The following RPTOR variants were observed in gnomAD, a reference collection of about 807,000 sequenced individuals.
The protein encoded by RPTOR is regulatory associated protein of MTOR complex 1.
In RPTOR, 21 loss-of-function variants were observed where a neutral mutation model predicts 169.9. The ratio of observed to expected loss-of-function variants is 0.12; its 90% confidence interval spans 0.09 to 0.18. The LOEUF is 0.18. Among genes scored for constraint, RPTOR ranks in the 10% least tolerant of loss-of-function variants. The pLI, the probability that RPTOR is intolerant of heterozygous loss-of-function variation, is 1.00. For missense variants in RPTOR, 1,133 were observed against 1,855.9 expected (o/e 0.61, Z 7.16); for synonymous variants, 732 against 753.2 (o/e 0.97, Z 0.46).
intron 3 of RPTOR, among the ~76,000 whole-genome samples, chr17:80,683,652 C>A (rs1254764816): frequency 1.3e-5 from 2 of 152,100 alleles, no homozygotes; most frequent in Non-Finnish European, 2.9e-5. Context: ...TCCTTTATAT[C>A]ATTCTAAAAT....
intron 5 of RPTOR, among the ~76,000 whole-genome samples, chr17:80,742,764 A>C (rs1031246888): frequency 6.6e-6 from 1 of 152,020 alleles, no homozygotes; most frequent in Non-Finnish European, 1.5e-5. Flanking sequence ...ACATATAGAC[A>C]CGCACATGTA....
intron 6 of RPTOR, among the ~76,000 whole-genome samples, chr17:80,787,117 T>C (rs1028855896): frequency 6.6e-6 from 1 of 152,240 alleles, no homozygotes; most frequent in Non-Finnish European, 1.5e-5. Context: ...CATCATCCCT[T>C]CCATGCCCTT....
intron 1 of RPTOR, among the ~76,000 whole-genome samples, chr17:80,596,130 A>G (rs2065142921): frequency 1.3e-5 from 2 of 152,150 alleles, no homozygotes; most frequent in African/African-American, 4.8e-5. Context: ...CTTGGCAGCT[A>G]TTTTGTTTAC....
At chr17:80,874,999 G>A (rs747938144) in intron 13 of RPTOR, among the ~76,000 whole-genome samples, 3 of 152,228 alleles carry the variant, frequency 2.0e-5, no homozygotes, top group Non-Finnish European at 2.9e-5. Context: ...GAAATCGCGC[G>A]TGGTAGGGTG....
intron 24 of RPTOR, among the ~76,000 whole-genome samples, chr17:80,931,945 G>A (rs1217853654): frequency 1.3e-5 from 2 of 151,196 alleles, no homozygotes; most frequent in Non-Finnish European, 2.9e-5. Context: ...CCAAGGGAGG[G>A]TGGGGTGGGA....
At chr17:80,913,424 T>C (rs182296131) in intron 21 of RPTOR, among the ~76,000 whole-genome samples, 2 of 152,120 alleles carry the variant, frequency 1.3e-5, no homozygotes, top group African/African-American at 2.4e-5. Context: ...TTTAGCTCCC[T>C]TTTCTCTTGG....
chr17:80,878,050 G>T lies in RPTOR; in HGVS notation c.1510-2365G>T, dbSNP rs930697020. Among the ~76,000 whole-genome samples the T allele has an allele frequency of 6.6e-6, 1 of 152,224 alleles. No individual in the cohort carries two copies. The highest frequency in any genetic ancestry group is 2.4e-5 in the African/African-American group (1 of 41,466). On this transcript the variant is annotated intron_variant, in intron 13 of 33. Coordinates refer to ENST00000306801, the MANE Select transcript of RPTOR (RefSeq NM_020761.3). This position sits in a 1 kb window ranked among gnomAD's most constrained non-coding sequence, Gnocchi z 4.1. ...AGTGGGAAAGGGCCAGCTGTGCAGG[G>T]CTGCACTGGAGAGCCGTTCTCTTCT... is the stretch of plus-strand genomic sequence containing the variant.
intron 24 of RPTOR, among the ~76,000 whole-genome samples, chr17:80,928,330 T>C (rs954609480): frequency 6.6e-6 from 1 of 152,232 alleles, no homozygotes; most frequent in Non-Finnish European, 1.5e-5. Context: ...CTAATGACAT[T>C]TGTGTAACGA....
Position 80,609,282 on chromosome 17 carries a change from C to T in RPTOR, c.163-16409C>T, listed in dbSNP as rs189298441. Among the ~76,000 whole-genome samples the T allele has an allele frequency of 6.2e-4, 94 of 152,296 alleles. 1 individual carries two copies. Among genetic ancestry groups the T allele is most frequent in the Admixed American group, 6.0e-3 (92 of 15,300 alleles). ...TCGGAAGAGGCATTTGGAAATGACACGCTCTGTCCAGGAACTGCAGTAAAC... is the reference window on the plus strand; with the variant it reads ...TCGGAAGAGGCATTTGGAAATGACATGCTCTGTCCAGGAACTGCAGTAAAC... On this transcript the variant is annotated intron_variant, in intron 1 of 33. Coordinates refer to ENST00000306801, the MANE Select transcript of RPTOR (RefSeq NM_020761.3). The surrounding 1 kb of genome is among the most constrained non-coding windows in gnomAD (Gnocchi z 4.8).
intron 6 of RPTOR, among the ~76,000 whole-genome samples, chr17:80,786,161 G>A (rs1382490537): frequency 2.0e-5 from 3 of 152,198 alleles, no homozygotes; most frequent in East Asian, 1.9e-4. Flanking sequence ...GCACTTTTGC[G>A]TGACACATGT....
At chr17:80,631,330 C>G (rs1373990708) in intron 2 of RPTOR, among the ~76,000 whole-genome samples, 2 of 152,156 alleles carry the variant, frequency 1.3e-5, no homozygotes, top group African/African-American at 4.8e-5. Flanking sequence ...GCAGATGCTT[C>G]TCATGAAGTG....
At chr17:80,760,584 G>C (rs1028036742) in intron 6 of RPTOR, among the ~76,000 whole-genome samples, 2 of 152,074 alleles carry the variant, frequency 1.3e-5, no homozygotes, top group Admixed American at 1.3e-4. Context: ...TTACAGGCAC[G>C]AGCCACCGCA....
At chr17:80,567,362 A>G (rs2064854971) in intron 1 of RPTOR, among the ~76,000 whole-genome samples, 1 of 151,890 alleles carries the variant, frequency 6.6e-6, no homozygotes, top group African/African-American at 2.4e-5. Flanking sequence ...GTACCTTCAA[A>G]TGATATTATG....
Position 80,820,159 on chromosome 17 carries a change from G to A in RPTOR, c.891-2042G>A, listed in dbSNP as rs574321057. Among the ~76,000 whole-genome samples the A allele has an allele frequency of 2.0e-5, 3 of 152,280 alleles. No individual in the cohort carries two copies. Among genetic ancestry groups the A allele is most frequent in the South Asian group, 4.2e-4 (2 of 4,814 alleles). On this transcript the variant is annotated intron_variant, in intron 7 of 33. Transcript: ENST00000306801. The surrounding 1 kb of genome is among the most constrained non-coding windows in gnomAD (Gnocchi z 4.1). The stretch of plus-strand genomic sequence containing the variant: ...TACTGATCCTAGGCCACAGAGCTTC[G>A]GCGTGTGGTCTGGGCGCTGTCTGTC...
At chr17:80,880,126 C>T (rs531157770) in intron 13 of RPTOR, among the ~76,000 whole-genome samples, 58 of 152,132 alleles carry the variant, frequency 3.8e-4, no homozygotes, top group Admixed American at 1.0e-3. Flanking sequence ...GAGCGGGGTG[C>T]AGGCAGGGGC....
intron 3 of RPTOR, among the ~76,000 whole-genome samples, chr17:80,645,059 C>T (rs34756632): frequency 0.087 from 13,264 of 152,170 alleles, 641 homozygotes; most frequent in Middle Eastern, 0.13. Context: ...GGGCGCAGTG[C>T]GTTTGGGGAT....
At chr17:80,555,295 G>C (rs1368163564) in intron 1 of RPTOR, among the ~76,000 whole-genome samples, 4 of 152,224 alleles carry the variant, frequency 2.6e-5, no homozygotes, top group Non-Finnish European at 5.9e-5. Flanking sequence ...GGAGCTGGGA[G>C]GATGTTTGTG....
chr17:80,693,288 C>T (rs1013294708), intron 3 of RPTOR, among the ~76,000 whole-genome samples: 12 of 152,132 alleles, frequency 7.9e-5, no homozygotes, highest in Admixed American at 2.6e-4. Flanking sequence ...CCAGCAGTGC[C>T]GACCGAGCCT....
At chr17:80,709,798 T>G (rs2066172007) in intron 4 of RPTOR, among the ~76,000 whole-genome samples, 1 of 152,196 alleles carries the variant, frequency 6.6e-6, no homozygotes, top group Non-Finnish European at 1.5e-5. Context: ...GCCGGCTCCC[T>G]GCTGCTCAAA....
Sources: allele counts gnomAD v4.1 joint callset (sites outside exome capture counted in the v4.1 genomes callset), GRCh38; gene constraint gnomAD v4.1.1; non-coding constraint Gnocchi (gnomAD v3.1); transcripts MANE v1.5; gene names NCBI Gene and HGNC (gene_info 2026-07-23, HGNC 2026-07-21).